The following TGFBR2 variants were observed in gnomAD, a reference collection of about 807,000 sequenced individuals.
The protein encoded by TGFBR2 is transforming growth factor beta receptor 2.
A neutral mutation model predicts 49.0 loss-of-function variants in TGFBR2; 18 were observed. The ratio of observed to expected loss-of-function variants is 0.37; its 90% CI spans 0.25 to 0.54. The LOEUF (loss-of-function observed/expected upper bound fraction) is 0.54, where lower values mean the gene tolerates loss of function less well. Ranked by LOEUF, TGFBR2 falls within the 20% of genes least tolerant of loss-of-function variation. TGFBR2 has a pLI of 0.85. For missense variants in TGFBR2, 525 were observed against 722.6 expected, an observed-to-expected ratio of 0.73 and a Z score of 3.13; for synonymous variants, 282 against 275.9, an observed-to-expected ratio of 1.02 and a Z score of -0.22.
At chr3:30,667,158 G>A (rs552788927) in intron 3 of TGFBR2, among the ~76,000 whole-genome samples, 10 of 152,274 alleles carry the variant, frequency 6.6e-5, no homozygotes, top group African/African-American at 1.9e-4. Context: ...ACCTCATAGG[G>A]TTTTTCTATC....
In TGFBR2 at chr3:30,606,846, G is replaced by T. The variant is rs773255203; in HGVS notation, c.-38G>T. The stretch of plus-strand genomic sequence containing the variant: ...GGTCCGGGAAGGCGCCGTCCGCTGC[G>T]CTGGGGGCTCGGTCTATGACGAGCA... On this transcript the variant is annotated 5_prime_UTR_variant, in exon 1 of 7. Coordinates refer to ENST00000295754, the MANE Select transcript of TGFBR2 (RefSeq NM_003242.6). 12 of 1,361,970 alleles carry T rather than the reference G, an allele frequency of 8.8e-6. No individual in the cohort carries two copies. In the African/African-American group the frequency reaches 8.9e-5, roughly 10 times the overall value. The allele number at this position is 1,361,970 out of a possible 1,614,324, so 84.4% of individuals were successfully genotyped here. A position where few individuals can be genotyped will look rare whatever the true frequency, so the allele number is the denominator to read the frequency against.
intron 3 of TGFBR2, among the ~76,000 whole-genome samples, chr3:30,665,657 T>A (rs1699230088): frequency 6.6e-6 from 1 of 152,156 alleles, no homozygotes; most frequent in Non-Finnish European, 1.5e-5. Flanking sequence ...TGGCACTAGT[T>A]ACCAACTTCC....
At chr3:30,632,776 C>A (rs754838843) in intron 1 of TGFBR2, among the ~76,000 whole-genome samples, 3 of 152,114 alleles carry the variant, frequency 2.0e-5, no homozygotes, top group Non-Finnish European at 4.4e-5. Context: ...TCATCATGAT[C>A]CTACATGGGA....
rs6790706 is a variant in TGFBR2, at chr3:30,649,981, G to A, written c.264-289G>A. On this transcript the variant is annotated intron_variant, in intron 2 of 6. Transcript: ENST00000295754. ...TTTAATTAAGACTTAAATATGTAAA[G>A]TTCTCCACCAGGACTGCCCCGTGGA... Among the ~76,000 whole-genome samples the A allele has an allele frequency of 0.9, 136,973 of 152,176 alleles. 61,751 individuals are homozygous for A. Among genetic ancestry groups the A allele is most frequent in the East Asian group, 1 (5,164 of 5,178 alleles).
intron 5 of TGFBR2, among the ~76,000 whole-genome samples, chr3:30,684,617 G>A (rs1346407463): frequency 6.6e-6 from 1 of 152,172 alleles, no homozygotes; most frequent in Non-Finnish European, 1.5e-5. Flanking sequence ...CAAGGAGCCA[G>A]TCCTTTTGCC....
intron 1 of TGFBR2, among the ~76,000 whole-genome samples, chr3:30,635,888 C>T (rs1041527823): frequency 6.6e-6 from 1 of 152,136 alleles, no homozygotes; most frequent in Non-Finnish European, 1.5e-5. Flanking sequence ...CACATAAATG[C>T]ATAAACACAC....
chr3:30,653,129 A>G (rs1698925147), intron 3 of TGFBR2, among the ~76,000 whole-genome samples: 1 of 152,044 alleles, frequency 6.6e-6, no homozygotes, highest in African/African-American at 2.4e-5. Flanking sequence ...CTTTTTAAGC[A>G]TCTCTTTTCT....
At chr3:30,613,848 T>C (rs1384530852) in intron 1 of TGFBR2, among the ~76,000 whole-genome samples, 1 of 152,222 alleles carries the variant, frequency 6.6e-6, no homozygotes, top group Non-Finnish European at 1.5e-5. Flanking sequence ...TTTTGACTTA[T>C]GGTACATGGG....
At chr3:30,656,382 T>G (rs1698999178) in intron 3 of TGFBR2, among the ~76,000 whole-genome samples, 1 of 152,242 alleles carries the variant, frequency 6.6e-6, no homozygotes, top group East Asian at 1.9e-4. Flanking sequence ...TTTGTATTAG[T>G]TTATCTGTGG....
At chr3:30,673,380 C>T (rs1699376320) in intron 4 of TGFBR2, among the ~76,000 whole-genome samples, 3 of 152,158 alleles carry the variant, frequency 2.0e-5, no homozygotes, top group African/African-American at 7.2e-5. Flanking sequence ...TTTATACATA[C>T]TACAACACTA....
intron 5 of TGFBR2, among the ~76,000 whole-genome samples, chr3:30,678,501 T>C (rs944753174): frequency 1.6e-4 from 22 of 138,626 alleles, no homozygotes; most frequent in African/African-American, 6.2e-4. Flanking sequence ...TGAGCCAAGA[T>C]CATGCCACTG....
intron 1 of TGFBR2, among the ~76,000 whole-genome samples, chr3:30,631,951 T>C (rs1294309905): frequency 6.6e-6 from 1 of 152,084 alleles, no homozygotes; most frequent in East Asian, 1.9e-4. Context: ...TAGCAATGTT[T>C]TATAATTAAC....
At chr3:30,633,882 C>G (rs906152198) in intron 1 of TGFBR2, among the ~76,000 whole-genome samples, 9 of 152,222 alleles carry the variant, frequency 5.9e-5, no homozygotes, top group African/African-American at 2.2e-4. Flanking sequence ...GCTTCTCAGT[C>G]TGTGCCCAAG....
chr3:30,643,489 T>G (rs945241459), intron 1 of TGFBR2, among the ~76,000 whole-genome samples: 6 of 152,236 alleles, frequency 3.9e-5, no homozygotes, highest in African/African-American at 1.4e-4. Context: ...GCAGCCTGTA[T>G]TTTGCAAAGA....
At chr3:30,648,730 C>T (rs1698823451) in intron 2 of TGFBR2, among the ~76,000 whole-genome samples, 3 of 152,038 alleles carry the variant, frequency 2.0e-5, no homozygotes, top group Admixed American at 6.6e-5. Flanking sequence ...AGTTTAAGAA[C>T]CCTTGAGCCC....
intron 1 of TGFBR2, among the ~76,000 whole-genome samples, chr3:30,640,695 C>T (rs1374959717): frequency 6.6e-6 from 1 of 152,110 alleles, no homozygotes; most frequent in African/African-American, 2.4e-5. Flanking sequence ...ATGGAAACCG[C>T]AGATGTGGAA....
intron 1 of TGFBR2, among the ~76,000 whole-genome samples, chr3:30,638,537 A>G (rs547521124): frequency 1.3e-5 from 2 of 152,320 alleles, no homozygotes; most frequent in East Asian, 3.9e-4. Flanking sequence ...CTCTCAAGGT[A>G]TAATTAGATA....
At chr3:30,606,463 T>C (rs769931975), upstream of TGFBR2, 1 of 237,922 alleles carries the variant, frequency 4.2e-6, no homozygotes, top group Non-Finnish European at 8.3e-6. Context: ...CTAGGAAACA[T>C]GATTGGCAGC....
intron 1 of TGFBR2, among the ~76,000 whole-genome samples, chr3:30,636,151 ATGTATGTGTG>A (rs1698524494): frequency 2.8e-5 from 3 of 106,744 alleles, no homozygotes; most frequent in Non-Finnish European, 5.9e-5. Context: ...GAAAATATAT[ATGTATGTGTG>A]TGTGTGTGTG....
Sources: allele counts gnomAD v4.1 joint callset (sites outside exome capture counted in the v4.1 genomes callset), GRCh38; gene constraint gnomAD v4.1.1; transcripts MANE v1.5; gene names NCBI Gene and HGNC (gene_info 2026-07-23, HGNC 2026-07-21).